The following INPP4A variants were observed in gnomAD, a reference collection of about 807,000 sequenced individuals.
The protein encoded by INPP4A is inositol polyphosphate-4-phosphatase type I A.
A neutral mutation model predicts 119.8 loss-of-function variants in INPP4A; 33 were observed. The observed-to-expected ratio is 0.28, with a 90% CI of 0.21 to 0.37. INPP4A has a LOEUF of 0.37. Ranked by LOEUF, INPP4A falls within the 10% of genes least tolerant of loss-of-function variation. INPP4A has a pLI of 1.00. For synonymous variants in INPP4A, 496 were observed against 500.7 expected (o/e 0.99, Z 0.12); for missense variants, 956 against 1,289.9 (o/e 0.74, Z 3.97).
chr2:98,583,918 A>G (rs1699661031), intron 24 of INPP4A, among the ~76,000 whole-genome samples: 1 of 152,226 alleles, frequency 6.6e-6, no homozygotes, highest in African/African-American at 2.4e-5. Context: ...GACCATCATG[A>G]GCACTGCAGG....
At position 98,577,617 on chromosome 2, in the gene INPP4A, C is replaced by T. The variant is rs963183048; in HGVS notation, c.2786+474C>T. 1.6e-4 allele frequency among the ~76,000 whole-genome samples: 25 copies of T among 152,358 alleles called. No homozygotes were observed. The South Asian group carries it at 4.8e-3, about 29-fold the overall frequency. ...TGCATCGGTCTGCTCTGCTGCTTCT[C>T]TAGCAGTCGACACCATTTGCTCTTA... On this transcript the variant is annotated intron_variant, in intron 24 of 24. Coordinates refer to ENST00000409851, the MANE Select transcript of INPP4A (RefSeq NM_001134225.2).
chr2:98,445,522 G>T (rs1482315372), intron 1 of INPP4A, among the ~76,000 whole-genome samples: 2 of 152,354 alleles, frequency 1.3e-5, no homozygotes, highest in Non-Finnish European at 2.9e-5. Context: ...TCCATTTTCT[G>T]CCTGCCTTTA....
chr2:98,556,566 C>T (rs1176788310), intron 16 of INPP4A, among the ~76,000 whole-genome samples: 1 of 152,238 alleles, frequency 6.6e-6, no homozygotes, highest in African/African-American at 2.4e-5. Context: ...ACAAGCTAGG[C>T]AGCTGAGACT....
At chr2:98,586,306 C>CT (rs1363664595) in intron 24 of INPP4A, among the ~76,000 whole-genome samples, 1 of 151,168 alleles carries the variant, frequency 6.6e-6, no homozygotes, top group Non-Finnish European at 1.5e-5. Flanking sequence ...GTCATTTTCA[C>CT]TTTAAAAGGC....
rs1700410339 is a variant in INPP4A, at chr2:98,591,654, A to G, written c.*4046A>G. The stretch of plus-strand genomic sequence containing the variant: ...TCTGCTTAGTAGATGACTTGGCACA[A>G]TCTGGCTGCCCAGATCTAGGGGAGT... On this transcript the variant is annotated 3_prime_UTR_variant, in exon 25 of 25. Transcript: ENST00000409851. 1 of 152,186 alleles carries G rather than the reference A, an allele frequency of 6.6e-6. No homozygotes were observed. The highest frequency in any genetic ancestry group is 2.4e-5 in the African/African-American group (1 of 41,434). The allele number at this position is 152,186 out of a possible 1,614,324, so 9.4% of individuals were successfully genotyped here. A position where few individuals can be genotyped will look rare whatever the true frequency, so the allele number is the denominator to read the frequency against.
chr2:98,511,024 G>A (rs934437020), intron 1 of INPP4A, among the ~76,000 whole-genome samples: 3 of 152,066 alleles, frequency 2.0e-5, no homozygotes, highest in Non-Finnish European at 2.9e-5. Flanking sequence ...GAAGGGATAC[G>A]CATTGCCAGC....
rs1700088479 is a variant in INPP4A, at chr2:98,587,666, A to G, written c.*58A>G. On this transcript the variant is annotated 3_prime_UTR_variant, in exon 25 of 25. Coordinates refer to ENST00000409851, the MANE Select transcript of INPP4A (RefSeq NM_001134225.2). ...ATAAATGTGGGTACCCTCTAGTGTCATATATGAATTCTTCAAGAAGACCTG... is the reference window on the plus strand; with the variant it reads ...ATAAATGTGGGTACCCTCTAGTGTCGTATATGAATTCTTCAAGAAGACCTG... 2.2e-6 allele frequency: 3 copies of G among 1,339,240 alleles called. No individual in the cohort carries two copies. Among genetic ancestry groups the G allele is most frequent in the Non-Finnish European group, 3.0e-6 (3 of 986,468 alleles). The allele number at this position is 1,339,240 out of a possible 1,614,324, so 83.0% of individuals were successfully genotyped here.
At chr2:98,454,524 T>C (rs962766014) in intron 1 of INPP4A, among the ~76,000 whole-genome samples, 7 of 152,128 alleles carry the variant, frequency 4.6e-5, no homozygotes, top group Non-Finnish European at 1.0e-4. Flanking sequence ...AGGAGAGGGC[T>C]GTGAACTGCA....
At chr2:98,552,130 T>C (rs1451137594) in intron 13 of INPP4A, among the ~76,000 whole-genome samples, 6 of 152,206 alleles carry the variant, frequency 3.9e-5, no homozygotes, top group African/African-American at 1.2e-4. Flanking sequence ...GCTTTGCCTG[T>C]GGCTTGGCAT....
chr2:98,445,109 A>G (rs1693939802), intron 1 of INPP4A, 24 bp downstream of exon 1: 1 of 150,068 alleles, frequency 6.7e-6, no homozygotes, highest in Admixed American at 6.7e-5. Context: ...GCCGGGCAGG[A>G]GGCGACGCGG....
At chr2:98,584,232 C>A (rs1359480567) in intron 24 of INPP4A, among the ~76,000 whole-genome samples, 1 of 152,232 alleles carries the variant, frequency 6.6e-6, no homozygotes, top group Non-Finnish European at 1.5e-5. Context: ...CTAAGACCAT[C>A]TTGTTTGCTT....
intron 10 of INPP4A, among the ~76,000 whole-genome samples, chr2:98,539,920 T>A (rs770020576): frequency 1.3e-5 from 2 of 152,094 alleles, no homozygotes; most frequent in Non-Finnish European, 2.9e-5. Context: ...ACTCAGAACC[T>A]CCTCTTTTCT....
At chr2:98,538,760 A>T in intron 8 of INPP4A, 131 bp from the exon 9 acceptor site, 5 of 592,920 alleles carry the variant, frequency 8.4e-6, no homozygotes, top group Non-Finnish European at 3.1e-6. Context: ...CAGCATATTT[A>T]TTGTAGAGTT....
intron 10 of INPP4A, among the ~76,000 whole-genome samples, chr2:98,540,651 A>T (rs1035604366): frequency 6.6e-6 from 1 of 152,242 alleles, no homozygotes; most frequent in Non-Finnish European, 1.5e-5. Flanking sequence ...ATGCTGCACC[A>T]TCCTGTGGTG....
At chr2:98,531,584 AGT>A (rs1338197208) in intron 4 of INPP4A, among the ~76,000 whole-genome samples, 4 of 152,242 alleles carry the variant, frequency 2.6e-5, no homozygotes, top group Non-Finnish European at 4.4e-5. Flanking sequence ...AGCCATACTC[AGT>A]GGGAAAATTA....
At chr2:98,479,506 T>C (rs960158542) in intron 1 of INPP4A, among the ~76,000 whole-genome samples, 6 of 152,228 alleles carry the variant, frequency 3.9e-5, no homozygotes, top group Non-Finnish European at 8.8e-5. Flanking sequence ...AACAGAGTTT[T>C]GACCCTACTA....
At position 98,539,044 on chromosome 2, in the gene INPP4A, C is replaced by A. The variant is rs561602321; in HGVS notation, c.670+63C>A. On this transcript the variant is annotated intron_variant, in intron 9 of 24. Coordinates refer to ENST00000409851, the MANE Select transcript of INPP4A (RefSeq NM_001134225.2). ...GTGAGTATCCACTTGGGCCCGCAGTCCCCTTTGCTCCCCACCTGCTGCGAT... is the reference window on the plus strand; with the variant it reads ...GTGAGTATCCACTTGGGCCCGCAGTACCCTTTGCTCCCCACCTGCTGCGAT... 4.2e-5 allele frequency: 35 copies of A among 838,502 alleles called. No individual in the cohort carries two copies. In the Middle Eastern group the frequency reaches 6.9e-4, roughly 17 times the overall value. 51.9% of individuals were successfully genotyped at this position (838,502 alleles called of 1,614,324 possible). A position where few individuals can be genotyped will look rare whatever the true frequency, so the allele number is the denominator to read the frequency against.
chr2:98,555,700 G>A lies in INPP4A; in HGVS notation c.1714G>A (p.Asp572Asn), dbSNP rs779178332. The A allele has an allele frequency of 3.1e-6, 5 of 1,613,410 alleles. No individual in the cohort carries two copies. Among genetic ancestry groups the A allele is most frequent in the Admixed American group, 3.3e-5 (2 of 59,924 alleles). The change falls in exon 16 of 25, where the codon GAC becomes AAC. Residue 572 changes from aspartate (D) to asparagine (N), a missense_variant. Around this residue, in one of 2 missense-constraint regions of INPP4A, gnomAD observed 652 missense variants for 797.9 expected, o/e 0.82. Transcript: ENST00000409851. ...CTGCACCAGCAAGAAAGGTAACCCG[G>A]ACAGCCACGCCTACTGGATCAGACC... ...GSCTSKKGNP[D>N]SHAYWIRPED...
intron 1 of INPP4A, among the ~76,000 whole-genome samples, chr2:98,517,698 T>G (rs1309394722): frequency 6.6e-6 from 1 of 152,242 alleles, no homozygotes. Context: ...ATTCTTTTCT[T>G]ACCTATAGCT....
Sources: gnomAD v4.1 joint callset for allele counts (sites outside exome capture counted in the v4.1 genomes callset) on GRCh38, gnomAD v4.1.1 for gene constraint, gnomAD v4.1.1 regional missense constraint, MANE v1.5 for transcripts, NCBI Gene and HGNC (gene_info 2026-07-23, HGNC 2026-07-21) for gene names.